The following ADGRE1 variants were observed in gnomAD, a reference collection of about 807,000 sequenced individuals.
ADGRE1 encodes the protein adhesion G protein-coupled receptor E1.
A neutral mutation model predicts 102.7 loss-of-function variants in ADGRE1; 82 were observed. That is an observed-to-expected ratio of 0.80 (90% CI 0.67 to 0.96). ADGRE1 has a LOEUF of 0.96. Ranked by LOEUF, ADGRE1 falls within the 40% of genes least tolerant of loss-of-function variation. The pLI is 0.00. For synonymous variants in ADGRE1, 398 were observed against 399.6 expected, an observed-to-expected ratio of 1.00 and a Z score of 0.05; for missense variants, 1,032 against 1,085.3, an observed-to-expected ratio of 0.95 and a Z score of 0.69.
At chr19:6,900,918 G>A (rs532610914) in intron 5 of ADGRE1, among the ~76,000 whole-genome samples, 1 of 152,288 alleles carries the variant, frequency 6.6e-6, no homozygotes, top group East Asian at 1.9e-4. Flanking sequence ...ATTTTAAGTG[G>A]TCTATTCTAG....
intron 2 of ADGRE1, chr19:6,891,121 G>C (rs1973351622): frequency 6.6e-6 from 1 of 152,268 alleles, no homozygotes; most frequent in African/African-American, 2.4e-5. Context: ...TGAATCATGG[G>C]GGATGGTTTC....
intron 9 of ADGRE1, 88 bp downstream of exon 9, chr19:6,906,609 A>G: frequency 2.4e-6 from 3 of 1,228,502 alleles, no homozygotes. Context: ...AACAAAGGCA[A>G]AAGTAATAGT....
At chr19:6,920,770 G>A (rs112503413) in intron 13 of ADGRE1, among the ~76,000 whole-genome samples, 17,638 of 150,982 alleles carry the variant, frequency 0.12, 2,128 homozygotes, top group African/African-American at 0.31. Flanking sequence ...TCAGCCTCCT[G>A]AAGTGCTGGG....
chr19:6,918,889 T>G (rs1229815815), intron 12 of ADGRE1, among the ~76,000 whole-genome samples: 2 of 152,072 alleles, frequency 1.3e-5, no homozygotes, highest in African/African-American at 2.4e-5. Flanking sequence ...CACGCCTGGC[T>G]AGTTTTTTTA....
chr19:6,903,649 T>C (rs1468754143), intron 6 of ADGRE1, among the ~76,000 whole-genome samples, 161 bp from the exon 7 acceptor site: 2 of 152,120 alleles, frequency 1.3e-5, no homozygotes, highest in African/African-American at 4.8e-5. Flanking sequence ...GAGTGAAAAG[T>C]AGTCACATGA....
intron 10 of ADGRE1, among the ~76,000 whole-genome samples, chr19:6,912,787 A>T (rs1974250638): frequency 6.6e-6 from 1 of 152,190 alleles, no homozygotes; most frequent in African/African-American, 2.4e-5. Context: ...ACATCACTGG[A>T]CAAGATCCTT....
At chr19:6,895,093 C>T (rs1204434609) in intron 2 of ADGRE1, 1 of 152,048 alleles carries the variant, frequency 6.6e-6, no homozygotes, top group Non-Finnish European at 1.5e-5. Flanking sequence ...GGAGGTCATT[C>T]CATCTCCCAG....
chr19:6,922,281 A>G (rs1388453185), intron 14 of ADGRE1, among the ~76,000 whole-genome samples: 1 of 152,094 alleles, frequency 6.6e-6, no homozygotes, highest in African/African-American at 2.4e-5. Flanking sequence ...GTCTCTTTCC[A>G]CTAACACATG....
At chr19:6,938,477 G>C (rs2145046563) in intron 20 of ADGRE1, among the ~76,000 whole-genome samples, 1 of 152,118 alleles carries the variant, frequency 6.6e-6, no homozygotes, top group South Asian at 2.1e-4. Context: ...TGGAGGCAAA[G>C]CTGGTTTTCC....
chr19:6,923,025 T>C (rs953081001), intron 14 of ADGRE1, among the ~76,000 whole-genome samples: 9 of 152,104 alleles, frequency 5.9e-5, no homozygotes, highest in African/African-American at 1.7e-4. Flanking sequence ...TGCAGTGAGC[T>C]GAGATCATGC....
chr19:6,927,323 T>TC (rs1974966140), intron 16 of ADGRE1, among the ~76,000 whole-genome samples: 2 of 148,100 alleles, frequency 1.4e-5, no homozygotes, highest in Non-Finnish European at 3.0e-5. Context: ...CTCCCTCCCT[T>TC]CTTTCCTTCT....
chr19:6,937,273 C>G lies in ADGRE1; in HGVS notation c.2412C>G (p.Leu804=), dbSNP rs778089376. ...TGACCTTCAAGGCCTTTGCCCAGCT[C>G]TTCATCCTGGGCTGCTCCTGGGTGC... is the stretch of plus-strand genomic sequence containing the variant. ...RLLTFKAFAQ[L]FILGCSWVLG... The change falls in exon 19 of 21, where the codon CTC becomes CTG. Residue 804 remains leucine, a synonymous_variant. Coordinates refer to ENST00000312053, the MANE Select transcript of ADGRE1 (RefSeq NM_001974.5). 1.2e-6 allele frequency: 2 copies of G among 1,614,120 alleles called. No homozygotes were observed. The highest frequency in any genetic ancestry group is 1.7e-6 in the Non-Finnish European group (2 of 1,179,998).
Position 6,897,284 on chromosome 19 carries a change from C to T in ADGRE1, c.374C>T (p.Pro125Leu), listed in dbSNP as rs780683854. ...GGAAATGACTGGGTCCCAGGAAAGC[C>T]GGGCAATTTCTCCTGTACTGGTAAT... is the stretch of plus-strand genomic sequence containing the variant. Reference protein sequence around the residue: ...PTGNDWVPGKPGNFSCTDINE... With the variant: ...PTGNDWVPGKLGNFSCTDINE... Residue 125 changes from proline (P) to leucine (L), a missense_variant, in exon 4 of 21, where the codon CCG (proline) becomes CTG (leucine). Physicochemically the swap from Pro to Leu is moderately conservative, Grantham distance 98 (BLOSUM62 -3). Coordinates refer to ENST00000312053, the MANE Select transcript of ADGRE1 (RefSeq NM_001974.5). The T allele has an allele frequency of 5.1e-5, 82 of 1,613,614 alleles. 1 individual carries two copies. Among genetic ancestry groups the T allele is most frequent in the Admixed American group, 1.0e-4 (6 of 59,940 alleles).
intron 7 of ADGRE1, 41 bp downstream of exon 7, chr19:6,903,991 C>G (rs750329020): frequency 6.2e-7 from 1 of 1,614,032 alleles, no homozygotes; most frequent in East Asian, 2.2e-5. Context: ...AAAGACATTT[C>G]TCTTTGCTCT....
At chr19:6,909,797 C>T (rs528539805) in intron 10 of ADGRE1, among the ~76,000 whole-genome samples, 99 of 152,152 alleles carry the variant, frequency 6.5e-4, no homozygotes, top group African/African-American at 2.1e-3. Context: ...TGCAATGGTG[C>T]GATCTTGGCT....
intron 17 of ADGRE1, among the ~76,000 whole-genome samples, chr19:6,929,366 G>T (rs1975051628): frequency 6.6e-6 from 1 of 152,062 alleles, no homozygotes; most frequent in Admixed American, 6.6e-5. Context: ...CCAAAGATTG[G>T]TTGGACCCAG....
In ADGRE1 at chr19:6,916,256, G is replaced by A; in HGVS notation, c.1308G>A (p.Glu436=). The change falls in exon 12 of 21, where the codon GAG becomes GAA. Residue 436 remains glutamate (E), a synonymous_variant. Coordinates refer to ENST00000312053, the MANE Select transcript of ADGRE1 (RefSeq NM_001974.5). The stretch of plus-strand genomic sequence containing the variant: ...CTCCCTTTCTCTTTTTAGACATTGA[G>A]AGCAAAGTTATCAACAAAGAATGCA... ...PAVRTEYLDI[E]SKVINKECSE... The A allele has an allele frequency of 1.2e-6, 2 of 1,611,844 alleles. No individual in the cohort carries two copies. Among genetic ancestry groups the A allele is most frequent in the Non-Finnish European group, 1.7e-6 (2 of 1,178,744 alleles).
chr19:6,899,139 A>G (rs1197874577), intron 5 of ADGRE1, among the ~76,000 whole-genome samples: 1 of 152,202 alleles, frequency 6.6e-6, no homozygotes, highest in Non-Finnish European at 1.5e-5. Flanking sequence ...ACCTACTATA[A>G]GTCAAACAAT....
In ADGRE1 at chr19:6,940,428, G is replaced by C. The variant is rs45524135; in HGVS notation, c.*399G>C. 9.2e-6 allele frequency: 2 copies of C among 217,110 alleles called. No homozygotes were observed. Among genetic ancestry groups the C allele is most frequent in the Non-Finnish European group, 1.8e-5 (2 of 108,794 alleles). The allele number at this position is 217,110 out of a possible 1,614,324, so 13.4% of individuals were successfully genotyped here. On this transcript the variant is annotated 3_prime_UTR_variant, in exon 21 of 21. Transcript: ENST00000312053. The stretch of plus-strand genomic sequence containing the variant: ...AGAACCTCTCAATAAATGATTTGTC[G>C]CCTGTCTGACTGATTTACCCTAGGA...
Sources: gnomAD v4.1 joint callset for allele counts (sites outside exome capture counted in the v4.1 genomes callset) on GRCh38, gnomAD v4.1.1 for gene constraint, MANE v1.5 for transcripts, NCBI Gene and HGNC (gene_info 2026-07-23, HGNC 2026-07-21) for gene names.